PTPRK: variants seen among roughly 807,000 people sequenced by gnomAD.
The protein encoded by PTPRK is receptor-type tyrosine-protein phosphatase kappa.
A neutral mutation model predicts 178.0 loss-of-function variants in PTPRK; 75 were observed. The observed-to-expected ratio is 0.42, with a 90% CI of 0.35 to 0.51. The LOEUF (loss-of-function observed/expected upper bound fraction) is 0.51. PTPRK is among the 20% of genes least tolerant of loss of function. The pLI is 0.02. For missense variants in PTPRK, 1,441 were observed against 1,797.8 expected (o/e 0.80, Z 3.59); for synonymous variants, 637 against 620.6 (o/e 1.03, Z -0.39).
At position 128,245,547 on chromosome 6, in the gene PTPRK, C is replaced by T. The variant is rs534424837; in HGVS notation, c.496-2945G>A. Among the ~76,000 whole-genome samples the T allele has an allele frequency of 4.0e-4, 61 of 152,264 alleles. 1 individual carries two copies. The South Asian group carries it at 0.011, about 28-fold the overall frequency. On this transcript the variant is annotated intron_variant, in intron 3 of 29. Transcript: ENST00000368226. Reference sequence around the variant, plus strand: ...TCCCAATCATAAACTACCTGCATTACTTCTTTTCTACTCCAAGTTTACCCT... The same window carrying T: ...TCCCAATCATAAACTACCTGCATTATTTCTTTTCTACTCCAAGTTTACCCT...
chr6:128,296,707 A>C (rs921353295), intron 3 of PTPRK, among the ~76,000 whole-genome samples: 15 of 152,202 alleles, frequency 9.9e-5, no homozygotes, highest in Non-Finnish European at 2.2e-4. Context: ...CCTGCCCTAA[A>C]AGAGCTCCTG....
chr6:128,205,503 A>AT (rs1357904665), intron 6 of PTPRK, among the ~76,000 whole-genome samples: 1 of 152,054 alleles, frequency 6.6e-6, no homozygotes, highest in Non-Finnish European at 1.5e-5. Context: ...TAATCCCAGC[A>AT]TTTTGGGAGG....
intron 2 of PTPRK, among the ~76,000 whole-genome samples, chr6:128,368,312 A>C (rs1019030065): frequency 1.3e-5 from 2 of 152,068 alleles, no homozygotes; most frequent in African/African-American, 4.8e-5. Context: ...TTAAACAAAC[A>C]AAACAAAATC....
rs767402183 is a variant in PTPRK, at chr6:128,397,550, A to T, written c.223+16T>A. On this transcript the variant is annotated intron_variant, in intron 2 of 29. Coordinates refer to ENST00000368226, the MANE Select transcript of PTPRK (RefSeq NM_002844.4). ...AAACTATTCCCCCAACACTGACTAA[A>T]CAGAGTGACTCTCACCTTGGGGCAT... 2 of 1,613,594 alleles carry T rather than the reference A, an allele frequency of 1.2e-6. No individual in the cohort carries two copies. Among genetic ancestry groups the T allele is most frequent in the South Asian group, 2.2e-5 (2 of 91,044 alleles).
intron 1 of PTPRK, among the ~76,000 whole-genome samples, chr6:128,436,401 A>G (rs913298190): frequency 1.2e-4 from 18 of 152,210 alleles, no homozygotes; most frequent in Non-Finnish European, 2.6e-4. Flanking sequence ...AGAGACACAT[A>G]TAGTTTCTAA....
chr6:128,238,469 A>G (rs1055756284), intron 5 of PTPRK, among the ~76,000 whole-genome samples: 1 of 152,184 alleles, frequency 6.6e-6, no homozygotes, highest in Non-Finnish European at 1.5e-5. Context: ...TTTTATTTCA[A>G]TGTCACATTA....
chr6:128,235,836 A>G (rs1039332548), intron 5 of PTPRK, among the ~76,000 whole-genome samples: 1 of 152,082 alleles, frequency 6.6e-6, no homozygotes, highest in Non-Finnish European at 1.5e-5. Flanking sequence ...ATGCTACATC[A>G]CACTGCCTAT....
chr6:128,305,037 C>T (rs1826171540), intron 3 of PTPRK, among the ~76,000 whole-genome samples: 1 of 152,088 alleles, frequency 6.6e-6, no homozygotes, highest in South Asian at 2.1e-4. Flanking sequence ...ATAAAAATAG[C>T]TCTTTATTCT....
intron 7 of PTPRK, among the ~76,000 whole-genome samples, chr6:128,173,032 A>G (rs1179028701): frequency 1.3e-5 from 2 of 151,970 alleles, no homozygotes; most frequent in Admixed American, 1.3e-4. Flanking sequence ...AAAGGGACGA[A>G]TATAGAAATA....
In PTPRK at chr6:127,969,473, T is replaced by G. The variant is rs189774335; in HGVS notation, c.*754A>C. The stretch of plus-strand genomic sequence containing the variant: ...TAAAAAGTTTATCTTCTACTTACAC[T>G]AAAACATACAAAAAATAATCTACAA... On this transcript the variant is annotated 3_prime_UTR_variant, in exon 30 of 30. Transcript: ENST00000368226. The G allele has an allele frequency of 6.6e-6, 1 of 152,166 alleles. No individual in the cohort carries two copies. Among genetic ancestry groups the G allele is most frequent in the Non-Finnish European group, 1.5e-5 (1 of 68,002 alleles). The allele number at this position is 152,166 out of a possible 1,614,324, so 9.4% of individuals were successfully genotyped here. A position where few individuals can be genotyped will look rare whatever the true frequency, so the allele number is the denominator to read the frequency against.
chr6:128,261,787 TGG>T (rs1479124348), intron 3 of PTPRK, among the ~76,000 whole-genome samples: 1 of 152,160 alleles, frequency 6.6e-6, no homozygotes, highest in Admixed American at 6.6e-5. Flanking sequence ...TTGACAAATT[TGG>T]GCAATAGCTT....
chr6:128,502,483 T>C (rs1355611026), intron 1 of PTPRK, among the ~76,000 whole-genome samples: 1 of 152,180 alleles, frequency 6.6e-6, no homozygotes, highest in Non-Finnish European at 1.5e-5. Context: ...ACTGTTCAAT[T>C]AGGAAAGTGT....
Position 128,089,730 on chromosome 6 carries a change from C to T in PTPRK, c.1425G>A (p.Arg475=), listed in dbSNP as rs751772870. 4.3e-6 allele frequency: 7 copies of T among 1,613,140 alleles called. No homozygotes were observed. The highest frequency in any genetic ancestry group is 1.1e-5 in the South Asian group (1 of 91,076). ...LKMILTNPEG[R]KESEETIIQT... The stretch of plus-strand genomic sequence containing the variant: ...GAATAATTGTCTCTTCACTCTCCTT[C>T]CTTCCCTCTGGATTGGTTAGGATCA... Residue 475 remains arginine (R), a synonymous_variant, in exon 8 of 30, where the codon AGG becomes AGA. Coordinates refer to ENST00000368226, the MANE Select transcript of PTPRK (RefSeq NM_002844.4).
chr6:128,112,881 A>G (rs1248450977), intron 7 of PTPRK, among the ~76,000 whole-genome samples: 1 of 152,088 alleles, frequency 6.6e-6, no homozygotes, highest in Non-Finnish European at 1.5e-5. Flanking sequence ...AGGCAACTCA[A>G]ACTCATGTCG....
At chr6:128,170,301 A>C (rs948668899) in intron 7 of PTPRK, among the ~76,000 whole-genome samples, 17 of 152,156 alleles carry the variant, frequency 1.1e-4, no homozygotes, top group African/African-American at 4.1e-4. Flanking sequence ...TCTACGCTTA[A>C]TTTATACCTA....
intron 15 of PTPRK, among the ~76,000 whole-genome samples, chr6:128,002,926 T>C (rs987066519): frequency 6.6e-6 from 1 of 151,906 alleles, no homozygotes; most frequent in Non-Finnish European, 1.5e-5. Flanking sequence ...TTTTGACACA[T>C]TAATATTAGT....
intron 3 of PTPRK, among the ~76,000 whole-genome samples, chr6:128,286,887 T>C (rs531311356): frequency 3.7e-4 from 56 of 152,286 alleles, no homozygotes; most frequent in African/African-American, 1.3e-3. Flanking sequence ...TCCAATACTT[T>C]GTGTATTATG....
chr6:128,204,420 A>G (rs1219694672), intron 6 of PTPRK, among the ~76,000 whole-genome samples: 2 of 152,194 alleles, frequency 1.3e-5, no homozygotes, highest in Non-Finnish European at 2.9e-5. Context: ...AAAATTGACA[A>G]ATGGGATCTA....
In PTPRK at chr6:128,184,426, T is replaced by C. The variant is rs761531757; in HGVS notation, c.1162+6A>G. 1.7e-5 allele frequency: 27 copies of C among 1,612,670 alleles called. No homozygotes were observed. The African/African-American group carries it at 3.3e-4, about 20-fold the overall frequency. ...AAGGTAGAAAAGGTCTGCTACTCAGTCTTACCTGCACATTTTGTTCTGGTG... is the reference window on the plus strand; with the variant it reads ...AAGGTAGAAAAGGTCTGCTACTCAGCCTTACCTGCACATTTTGTTCTGGTG... On this transcript the variant is annotated splice_donor_region_variant and intron_variant, in intron 7 of 29. Coordinates refer to ENST00000368226, the MANE Select transcript of PTPRK (RefSeq NM_002844.4).
Sources: gnomAD v4.1 joint callset for allele counts (sites outside exome capture counted in the v4.1 genomes callset) on GRCh38, gnomAD v4.1.1 for gene constraint, MANE v1.5 for transcripts, NCBI Gene and HGNC (gene_info 2026-07-23, HGNC 2026-07-21) for gene names.